ZNF521: variants seen among roughly 807,000 people sequenced by gnomAD.
The protein encoded by ZNF521 is LYST-interacting protein 3.
ZNF521 carries 14 observed loss-of-function variants against 105.5 expected under a neutral mutation model. The observed-to-expected ratio is 0.13, with a 90% CI of 0.09 to 0.21. The LOEUF (loss-of-function observed/expected upper bound fraction) is 0.21, where lower values mean the gene tolerates loss of function less well. Ranked by LOEUF, ZNF521 falls within the 10% of genes least tolerant of loss-of-function variation. ZNF521 has a pLI of 1.00. For synonymous variants in ZNF521, 635 were observed against 606.0 expected (o/e 1.05, Z -0.70); for missense variants, 1,233 against 1,629.7 (o/e 0.76, Z 4.19).
At chr18:25,349,930 G>T (rs976771359) in intron 2 of ZNF521, among the ~76,000 whole-genome samples, 10 of 151,134 alleles carry the variant, frequency 6.6e-5, no homozygotes, top group African/African-American at 2.4e-4. Context: ...GCGCTCCGCC[G>T]CCCGCCCTCC....
At position 25,061,947 on chromosome 18, in the gene ZNF521, T is replaced by A. The variant is rs536765096; in HGVS notation, c.*765A>T. The A allele has an allele frequency of 5.5e-6, 1 of 181,218 alleles. No homozygotes were observed. The highest frequency in any genetic ancestry group is 9.0e-5 in the East Asian group (1 of 11,050). The allele number at this position is 181,218 out of a possible 1,614,324, so 11.2% of individuals were successfully genotyped here. A position where few individuals can be genotyped will look rare whatever the true frequency, so the allele number is the denominator to read the frequency against. On this transcript the variant is annotated 3_prime_UTR_variant, in exon 8 of 8. Coordinates refer to ENST00000361524, the MANE Select transcript of ZNF521 (RefSeq NM_015461.3). ...TACCTAATGGTAAACTGAATTTATT[T>A]CCTCTTGGAAAACAATTCCAGTAAT...
At chr18:25,122,835 T>TG (rs1157598589) in intron 5 of ZNF521, among the ~76,000 whole-genome samples, 2 of 151,790 alleles carry the variant, frequency 1.3e-5, no homozygotes, top group East Asian at 3.9e-4. Context: ...TAGATCATGA[T>TG]GAAAAAAAGG....
Position 25,224,511 on chromosome 18 carries a change from A to G in ZNF521, c.3407T>C (p.Leu1136Pro). 1 of 1,613,960 alleles carries G rather than the reference A, an allele frequency of 6.2e-7. No individual in the cohort carries two copies. Among genetic ancestry groups the G allele is most frequent in the Non-Finnish European group, 8.5e-7 (1 of 1,179,968 alleles). Reference sequence around the variant, plus strand: ...GTTGCAGCTAGAGCAGCGTGTCTTCAGTCCCCCCACCTTGCCTTTCCCCTC... The same window carrying G: ...GTTGCAGCTAGAGCAGCGTGTCTTCGGTCCCCCCACCTTGCCTTTCCCCTC... ...AIEGKGKVGG[L>P]KTRCSSCNVK... Residue 1136 changes from leucine to proline, a missense_variant, in exon 4 of 8, where the codon CTG (leucine) becomes CCG (proline). Coordinates refer to ENST00000361524, the MANE Select transcript of ZNF521 (RefSeq NM_015461.3).
chr18:25,226,891 T>C lies in ZNF521; in HGVS notation c.1027A>G (p.Ser343Gly). 1 of 1,613,866 alleles carries C rather than the reference T, an allele frequency of 6.2e-7. No individual in the cohort carries two copies. The highest frequency in any genetic ancestry group is 8.5e-7 in the Non-Finnish European group (1 of 1,179,976). ...QQPESCNHSN[S>G]PSLVTVGYTS... ...TAGCCCACCGTGACCAGGGAAGGGC[T>C]GTTGCTGTGATTGCATGACTCCGGT... Residue 343 changes from serine (S) to glycine (G), a missense_variant, in exon 4 of 8, where the codon AGC (serine) becomes GGC (glycine). This residue lies in a region of ZNF521 where 380 missense variants were observed against 478.0 expected (regional missense o/e 0.80). Transcript: ENST00000361524. The surrounding 1 kb of genome is among the most constrained non-coding windows in gnomAD (Gnocchi z 4.1).
At chr18:25,348,664 G>A (rs545696573) in intron 2 of ZNF521, among the ~76,000 whole-genome samples, 17 of 150,220 alleles carry the variant, frequency 1.1e-4, no homozygotes, top group African/African-American at 3.4e-4. Flanking sequence ...TGTTTTTAGT[G>A]TAAATATTTT....
intron 5 of ZNF521, among the ~76,000 whole-genome samples, chr18:25,171,903 A>C (rs45459805): frequency 0.21 from 32,298 of 151,914 alleles, 3,684 homozygotes; most frequent in East Asian, 0.3. Context: ...TAAACTTTTC[A>C]CATGAAACAA....
intron 7 of ZNF521, among the ~76,000 whole-genome samples, chr18:25,075,533 A>G (rs1253292728): frequency 6.6e-6 from 1 of 152,198 alleles, no homozygotes; most frequent in Non-Finnish European, 1.5e-5. Flanking sequence ...GCCCAGTCAC[A>G]TGCAGAAATA....
intron 5 of ZNF521, among the ~76,000 whole-genome samples, chr18:25,159,759 C>A (rs1343490097): frequency 1.3e-5 from 2 of 152,178 alleles, no homozygotes; most frequent in Non-Finnish European, 2.9e-5. Context: ...TCGGGGTCAA[C>A]AAAGTTACAC....
intron 7 of ZNF521, among the ~76,000 whole-genome samples, chr18:25,077,051 T>C (rs1319838212): frequency 1.3e-5 from 2 of 152,232 alleles, no homozygotes; most frequent in East Asian, 3.9e-4. Context: ...TAAGAGTCAG[T>C]GTATTGTTGT....
At chr18:25,170,879 T>G (rs2035437849) in intron 5 of ZNF521, among the ~76,000 whole-genome samples, 1 of 152,136 alleles carries the variant, frequency 6.6e-6, no homozygotes, top group Admixed American at 6.5e-5. Flanking sequence ...GTTAAAAATT[T>G]GTTTTGTGTC....
At chr18:25,085,653 A>ATGTGTGTGTGTG (rs10569576) in intron 7 of ZNF521, among the ~76,000 whole-genome samples, 2 of 144,258 alleles carry the variant, frequency 1.4e-5, no homozygotes, top group African/African-American at 5.2e-5. Context: ...CCATATATAT[A>ATGTGTGTGTGTG]TGTGTGTGTG....
chr18:25,324,878 C>A (rs898662879), intron 2 of ZNF521, among the ~76,000 whole-genome samples: 1 of 152,216 alleles, frequency 6.6e-6, no homozygotes, highest in South Asian at 2.1e-4. Flanking sequence ...CGACCCCAGT[C>A]CATGCTTCCA....
chr18:25,201,669 T>C (rs1213697756), intron 4 of ZNF521: 2 of 152,142 alleles, frequency 1.3e-5, no homozygotes, highest in Non-Finnish European at 2.9e-5. Flanking sequence ...GAAGGACGAG[T>C]GTCAGATTTG....
At position 25,062,752 on chromosome 18, in the gene ZNF521, C is replaced by CA. The variant is rs10540123; in HGVS notation, c.3907-12dup. ...GGTCATTGTATGATTCTGTAAATAA[C>CA]AAAAAAAAAAAAAAAAAAAAAAAAA... On this transcript the variant is annotated splice_polypyrimidine_tract_variant and intron_variant, in intron 7 of 7. Transcript: ENST00000361524. 0.018 allele frequency: 6,643 copies of CA among 364,146 alleles called. 108 individuals are homozygous for CA. The highest frequency in any genetic ancestry group is 0.023 in the Middle Eastern group (30 of 1,306). 22.6% of individuals were successfully genotyped at this position (364,146 alleles called of 1,614,324 possible).
At chr18:25,140,718 C>T (rs1266850977) in intron 5 of ZNF521, among the ~76,000 whole-genome samples, 4 of 152,124 alleles carry the variant, frequency 2.6e-5, no homozygotes, top group Non-Finnish European at 5.9e-5. Context: ...AGATATAGCT[C>T]CCAACAAGGG....
At chr18:25,196,287 C>T (rs938322515) in intron 4 of ZNF521, among the ~76,000 whole-genome samples, 2 of 151,408 alleles carry the variant, frequency 1.3e-5, no homozygotes, top group African/African-American at 2.4e-5. Flanking sequence ...TTCTTATAAG[C>T]GTTTTTTACA....
Position 25,064,584 on chromosome 18 carries a change from G to A in ZNF521, c.3907-1843C>T, listed in dbSNP as rs555224628. Among the ~76,000 whole-genome samples, 15 of 152,336 alleles carry A rather than the reference G, an allele frequency of 9.8e-5. 1 individual carries two copies. The South Asian group carries it at 3.1e-3, about 32-fold the overall frequency. ...GCTAAAGAGCTGAGACTGTCTTGTA[G>A]GTTAAGGGAGCCATTGGAGTATTTT... On this transcript the variant is annotated intron_variant, in intron 7 of 7. Transcript: ENST00000361524.
At chr18:25,158,337 G>T (rs1376235855) in intron 5 of ZNF521, among the ~76,000 whole-genome samples, 2 of 151,914 alleles carry the variant, frequency 1.3e-5, no homozygotes, top group East Asian at 1.9e-4. Context: ...AAAACTTGAA[G>T]AAAACATTCC....
intron 7 of ZNF521, among the ~76,000 whole-genome samples, chr18:25,073,785 CTTTT>C (rs745320860): frequency 7.9e-5 from 12 of 151,908 alleles, no homozygotes; most frequent in Non-Finnish European, 1.6e-4. Context: ...TGTATTATTT[CTTTT>C]ATTAAAAACA....
Sources: allele counts gnomAD v4.1 joint callset (sites outside exome capture counted in the v4.1 genomes callset), GRCh38; gene constraint gnomAD v4.1.1; regional missense constraint gnomAD v4.1.1; non-coding constraint Gnocchi (gnomAD v3.1); transcripts MANE v1.5; gene names NCBI Gene and HGNC (gene_info 2026-07-23, HGNC 2026-07-21).